PRKG1: variants seen among roughly 807,000 people sequenced by gnomAD.
PRKG1 encodes cGMP-dependent protein kinase 1.
A neutral mutation model predicts 88.1 loss-of-function variants in PRKG1; 35 were observed. The ratio of observed to expected loss-of-function variants is 0.40; its 90% CI spans 0.30 to 0.53. PRKG1 has a LOEUF of 0.53. Ranked by LOEUF, PRKG1 falls within the 20% of genes least tolerant of loss-of-function variation. PRKG1 has a pLI of 0.59. For synonymous variants in PRKG1, 303 were observed against 292.5 expected, an observed-to-expected ratio of 1.04 and a Z score of -0.37; for missense variants, 540 against 839.8, an observed-to-expected ratio of 0.64 and a Z score of 4.41.
intron 9 of PRKG1, chr10:52,242,342 C>T (rs778005272): frequency 6.6e-6 from 1 of 152,102 alleles, no homozygotes; most frequent in African/African-American, 2.4e-5. Flanking sequence ...TTCCTCAGAT[C>T]CCAGCTTCTA....
chr10:51,902,340 T>C (rs1841998781), intron 4 of PRKG1, among the ~76,000 whole-genome samples: 1 of 152,112 alleles, frequency 6.6e-6, no homozygotes, highest in Admixed American at 6.5e-5. Context: ...GGTCTTGAAC[T>C]CCCGACCTCA....
intron 2 of PRKG1, among the ~76,000 whole-genome samples, chr10:51,364,991 G>T (rs1348688170): frequency 1.3e-5 from 2 of 151,904 alleles, no homozygotes; most frequent in Non-Finnish European, 1.5e-5. Flanking sequence ...TATAATGAAA[G>T]GTTCTTTTCC....
intron 5 of PRKG1, among the ~76,000 whole-genome samples, chr10:51,983,349 C>G (rs189982950): frequency 6.6e-6 from 1 of 152,108 alleles, no homozygotes; most frequent in African/African-American, 2.4e-5. Flanking sequence ...GGGGAGGGAA[C>G]CGGTGGGCTG....
chr10:51,759,392 A>G (rs563596510), intron 3 of PRKG1, among the ~76,000 whole-genome samples: 3 of 151,936 alleles, frequency 2.0e-5, no homozygotes, highest in South Asian at 4.2e-4. Flanking sequence ...TCAGCCTCCC[A>G]AGTAGCTGGG....
At chr10:52,127,637 G>A (rs1428120035) in intron 7 of PRKG1, among the ~76,000 whole-genome samples, 1 of 152,102 alleles carries the variant, frequency 6.6e-6, no homozygotes, top group African/African-American at 2.4e-5. Flanking sequence ...ATATAAAAAG[G>A]GGTCACATGC....
At chr10:51,967,198 G>A (rs1843590045) in intron 5 of PRKG1, among the ~76,000 whole-genome samples, 1 of 152,086 alleles carries the variant, frequency 6.6e-6, no homozygotes, top group Non-Finnish European at 1.5e-5. Flanking sequence ...AAGAAAATGT[G>A]GCACGTATAT....
intron 9 of PRKG1, among the ~76,000 whole-genome samples, chr10:52,208,880 T>C (rs1386042237): frequency 6.6e-6 from 1 of 152,220 alleles, no homozygotes; most frequent in Non-Finnish European, 1.5e-5. Context: ...GAAGTTTGTC[T>C]ACAGCTAAAT....
chr10:52,059,807 T>G (rs1208731405), intron 6 of PRKG1, among the ~76,000 whole-genome samples: 1 of 151,848 alleles, frequency 6.6e-6, no homozygotes, highest in Non-Finnish European at 1.5e-5. Context: ...TATGATAACT[T>G]AAAAATTCAT....
intron 3 of PRKG1, among the ~76,000 whole-genome samples, chr10:51,754,282 A>T (rs549803195): frequency 6.6e-6 from 1 of 152,122 alleles, no homozygotes; most frequent in Non-Finnish European, 1.5e-5. Context: ...TTCCATCTTG[A>T]TCTATCCTGG....
chr10:51,169,037 T>C (rs1846626200), intron 2 of PRKG1, among the ~76,000 whole-genome samples: 1 of 152,190 alleles, frequency 6.6e-6, no homozygotes, highest in African/African-American at 2.4e-5. Flanking sequence ...TTTTATTTTT[T>C]TGTAGTTAGA....
chr10:51,990,674 G>A (rs2133127440), intron 5 of PRKG1, among the ~76,000 whole-genome samples: 1 of 152,092 alleles, frequency 6.6e-6, no homozygotes, highest in East Asian at 1.9e-4. Context: ...CAGGTATTAA[G>A]CCTAGTTCTC....
chr10:51,041,715 T>C (rs2132758849), intron 1 of PRKG1, among the ~76,000 whole-genome samples: 1 of 152,304 alleles, frequency 6.6e-6, no homozygotes, highest in Non-Finnish European at 1.5e-5. Context: ...AAAGTCCTCT[T>C]TACATCAAAG....
At chr10:52,116,886 C>T (rs906995731) in intron 7 of PRKG1, among the ~76,000 whole-genome samples, 1 of 151,470 alleles carries the variant, frequency 6.6e-6, no homozygotes, top group African/African-American at 2.4e-5. Flanking sequence ...GGTATCTGAC[C>T]CTAGGTCACA....
chr10:52,067,896 T>TA (rs1846392585), intron 7 of PRKG1, among the ~76,000 whole-genome samples: 2 of 152,136 alleles, frequency 1.3e-5, no homozygotes, highest in Non-Finnish European at 1.5e-5. Context: ...TACTTTGACT[T>TA]ACCATTGCTT....
chr10:51,761,935 G>A (rs909625052), intron 3 of PRKG1, among the ~76,000 whole-genome samples: 1 of 152,132 alleles, frequency 6.6e-6, no homozygotes, highest in African/African-American at 2.4e-5. Flanking sequence ...AAATAAGCAA[G>A]AGAATTTTCA....
At chr10:51,641,207 G>T (rs1475062967) in intron 3 of PRKG1, among the ~76,000 whole-genome samples, 1 of 152,138 alleles carries the variant, frequency 6.6e-6, no homozygotes, top group East Asian at 1.9e-4. Context: ...TAAACAATGA[G>T]CTGTGCTCAG....
intron 1 of PRKG1, among the ~76,000 whole-genome samples, chr10:51,151,886 C>G (rs78562537): frequency 6.6e-6 from 1 of 152,114 alleles, no homozygotes; most frequent in East Asian, 1.9e-4. Context: ...GGAAGACTAA[C>G]GCTTTAGTCA....
At chr10:51,089,892 A>G (rs1004048397) in intron 1 of PRKG1, among the ~76,000 whole-genome samples, 1 of 152,168 alleles carries the variant, frequency 6.6e-6, no homozygotes, top group Non-Finnish European at 1.5e-5. Flanking sequence ...AGCTCAACCC[A>G]TTCTTCACAC....
At chr10:52,172,473 G>A (rs902072351) in intron 9 of PRKG1, among the ~76,000 whole-genome samples, 1 of 152,122 alleles carries the variant, frequency 6.6e-6, no homozygotes, top group African/African-American at 2.4e-5. Context: ...CCTCTCCAGA[G>A]CCCCCAGAGA....
Sources: allele counts gnomAD v4.1 joint callset (sites outside exome capture counted in the v4.1 genomes callset), GRCh38; gene constraint gnomAD v4.1.1; transcripts MANE v1.5; gene names NCBI Gene and HGNC (gene_info 2026-07-23, HGNC 2026-07-21).